The following WDR70 variants were observed in gnomAD, a reference collection of about 807,000 sequenced individuals.
WDR70 encodes WD repeat-containing protein 70.
A neutral mutation model predicts 88.6 loss-of-function variants in WDR70; 53 were observed. That is an observed-to-expected ratio of 0.60 (90% CI 0.48 to 0.75). The LOEUF (loss-of-function observed/expected upper bound fraction) is 0.75. Among genes scored for constraint, WDR70 ranks in the 30% least tolerant of loss-of-function variants. WDR70 has a pLI of 0.00. For missense variants in WDR70, 610 were observed against 823.2 expected (o/e 0.74, Z 3.17); for synonymous variants, 280 against 270.0 (o/e 1.04, Z -0.36).
At chr5:37,694,279 A>T (rs1158384213) in intron 10 of WDR70, among the ~76,000 whole-genome samples, 1 of 152,240 alleles carries the variant, frequency 6.6e-6, no homozygotes, top group Non-Finnish European at 1.5e-5. Flanking sequence ...CCATTGTGGT[A>T]GACAGTGTGG....
intron 10 of WDR70, among the ~76,000 whole-genome samples, chr5:37,668,392 A>G (rs991871842): frequency 2.6e-5 from 4 of 152,226 alleles, no homozygotes; most frequent in Non-Finnish European, 5.9e-5. Flanking sequence ...GAAAGACAGG[A>G]TGTTTCATTT....
chr5:37,437,773 C>A lies in WDR70; in HGVS notation c.493-149C>A, dbSNP rs1346538312. 7.9e-6 allele frequency: 5 copies of A among 630,302 alleles called. No individual in the cohort carries two copies. In the African/African-American group the frequency reaches 9.3e-5, roughly 12 times the overall value. The allele number at this position is 630,302 out of a possible 1,614,324, so 39.0% of individuals were successfully genotyped here. The stretch of plus-strand genomic sequence containing the variant: ...TATCTAGAAGTGTAGAAAAAAGATA[C>A]TCTCACACTTTTTTGCTGTTTTTTT... On this transcript the variant is annotated intron_variant, in intron 5 of 17. Coordinates refer to ENST00000265107, the MANE Select transcript of WDR70 (RefSeq NM_018034.4).
intron 9 of WDR70, among the ~76,000 whole-genome samples, chr5:37,600,354 C>T (rs887687255): frequency 6.6e-6 from 1 of 151,872 alleles, no homozygotes; most frequent in Admixed American, 6.6e-5. Flanking sequence ...GGTGAAACCC[C>T]ATCTCTACTA....
At chr5:37,699,816 C>T (rs1403198611) in intron 11 of WDR70, among the ~76,000 whole-genome samples, 18 of 151,634 alleles carry the variant, frequency 1.2e-4, no homozygotes, top group African/African-American at 3.2e-4. Flanking sequence ...GATGTAGTGG[C>T]GCATGTCTGT....
At chr5:37,739,006 T>C (rs1748387139) in intron 17 of WDR70, among the ~76,000 whole-genome samples, 1 of 152,248 alleles carries the variant, frequency 6.6e-6, no homozygotes, top group African/African-American at 2.4e-5. Context: ...ACCACGTTGA[T>C]GTCTAATCTG....
At chr5:37,379,756 G>GGA (rs990713582) in intron 2 of WDR70, among the ~76,000 whole-genome samples, 1 of 148,300 alleles carries the variant, frequency 6.7e-6, no homozygotes, top group African/African-American at 2.5e-5. Flanking sequence ...ATGAGAGTCT[G>GGA]GAGAGAGAGG....
intron 4 of WDR70, among the ~76,000 whole-genome samples, chr5:37,392,678 T>C (rs1400092182): frequency 6.6e-6 from 1 of 152,044 alleles, no homozygotes; most frequent in East Asian, 1.9e-4. Context: ...GGAATCTCGC[T>C]CTTTCGCCCA....
chr5:37,456,680 A>G (rs1277469615), intron 7 of WDR70, among the ~76,000 whole-genome samples: 1 of 152,194 alleles, frequency 6.6e-6, no homozygotes, highest in Non-Finnish European at 1.5e-5. Flanking sequence ...TTTTTATATG[A>G]CATAACAAAG....
intron 9 of WDR70, among the ~76,000 whole-genome samples, chr5:37,596,876 AC>A (rs1228448430): frequency 6.6e-6 from 1 of 151,832 alleles, no homozygotes; most frequent in East Asian, 1.9e-4. Flanking sequence ...CTCCATCCCC[AC>A]CTTTAACCTT....
intron 8 of WDR70, among the ~76,000 whole-genome samples, chr5:37,492,540 G>T (rs1190576503): frequency 6.6e-6 from 1 of 152,196 alleles, no homozygotes; most frequent in Non-Finnish European, 1.5e-5. Flanking sequence ...AGTGGATCCA[G>T]CCTCATCAGG....
At chr5:37,496,863 A>G (rs1239764721) in intron 8 of WDR70, among the ~76,000 whole-genome samples, 1 of 152,200 alleles carries the variant, frequency 6.6e-6, no homozygotes, top group Admixed American at 6.5e-5. Flanking sequence ...CAGGCTATGC[A>G]TTGGATTAAG....
chr5:37,705,042 C>T (rs12521092), intron 13 of WDR70, among the ~76,000 whole-genome samples: 63,889 of 151,706 alleles, frequency 0.42, 15,463 homozygotes, highest in Non-Finnish European at 0.54. Context: ...TGTTCATTGA[C>T]GTAAAAATAC....
At chr5:37,448,958 C>T (rs1234962569) in intron 7 of WDR70, among the ~76,000 whole-genome samples, 1 of 152,190 alleles carries the variant, frequency 6.6e-6, no homozygotes, top group Non-Finnish European at 1.5e-5. Flanking sequence ...AAGAATATCA[C>T]AGAGGTGAAG....
chr5:37,479,877 A>T lies in WDR70; in HGVS notation c.730A>T (p.Ile244Phe), dbSNP rs749416336. 1.9e-6 allele frequency: 3 copies of T among 1,614,130 alleles called. No homozygotes were observed. The highest frequency in any genetic ancestry group is 2.5e-6 in the Non-Finnish European group (3 of 1,180,022). ...SLQYSNTGDMILVVSGSSQAK... is the reference protein window; with the variant it reads ...SLQYSNTGDMFLVVSGSSQAK... ...ACAGTATAGTAACACAGGAGACATG[A>T]TTCTTGTTGTATCTGGAAGCTCTCA... The change falls in exon 8 of 18, where the codon ATT becomes TTT. Residue 244 changes from isoleucine to phenylalanine, a missense_variant. Transcript: ENST00000265107.
chr5:37,479,834 C>G lies in WDR70; in HGVS notation c.687C>G (p.Cys229Trp), dbSNP rs1739605625. Residue 229 changes from cysteine (C) to tryptophan (W), a missense_variant and splice_region_variant, in exon 8 of 18, where the codon TGC becomes TGG. By Grantham distance (215) the Cys-to-Trp change is radical. This residue lies in a region of WDR70 where 83 missense variants were observed against 155.3 expected (regional missense o/e 0.53). Transcript: ENST00000265107. Reference sequence around the variant, plus strand: ...CAACTTTCCTTTTCTTTTCGTACAGCCATCAGATCAAGTCATTACAGTATA... The same window carrying G: ...CAACTTTCCTTTTCTTTTCGTACAGGCATCAGATCAAGTCATTACAGTATA... ...KAFRSLQPCE[C>W]HQIKSLQYSN... The G allele has an allele frequency of 1.2e-6, 2 of 1,606,542 alleles. No individual in the cohort carries two copies. Among genetic ancestry groups the G allele is most frequent in the Non-Finnish European group, 1.7e-6 (2 of 1,177,336 alleles).
intron 8 of WDR70, among the ~76,000 whole-genome samples, chr5:37,483,689 G>A (rs1175715181): frequency 4.0e-5 from 6 of 151,632 alleles, no homozygotes; most frequent in East Asian, 2.0e-4. Context: ...AGGCAGAGGC[G>A]CCCCCCACCT....
chr5:37,389,295 T>TTG (rs1748734113), intron 3 of WDR70, among the ~76,000 whole-genome samples: 1 of 121,654 alleles, frequency 8.2e-6, no homozygotes, highest in African/African-American at 7.1e-5. Context: ...GTTTCACCTG[T>TTG]CGAGACCAGG....
At chr5:37,410,879 T>C (rs1161853777) in intron 5 of WDR70, among the ~76,000 whole-genome samples, 1 of 152,230 alleles carries the variant, frequency 6.6e-6, no homozygotes, top group African/African-American at 2.4e-5. Context: ...AGAACCATTA[T>C]ACATGCCTTG....
intron 8 of WDR70, among the ~76,000 whole-genome samples, chr5:37,503,050 A>T (rs1655754994): frequency 6.6e-6 from 1 of 152,002 alleles, no homozygotes; most frequent in South Asian, 2.1e-4. Flanking sequence ...AACCCACTTT[A>T]TCATGGTCAG....
Sources: allele counts gnomAD v4.1 joint callset (sites outside exome capture counted in the v4.1 genomes callset), GRCh38; gene constraint gnomAD v4.1.1; regional missense constraint gnomAD v4.1.1; transcripts MANE v1.5; gene names NCBI Gene and HGNC (gene_info 2026-07-23, HGNC 2026-07-21).